The following TRPM3 variants were observed in gnomAD, a reference collection of about 807,000 sequenced individuals.
The protein encoded by TRPM3 is transient receptor potential cation channel subfamily M member 3.
A neutral mutation model predicts 181.2 loss-of-function variants in TRPM3; 77 were observed. That is an observed-to-expected ratio of 0.42 (90% CI 0.35 to 0.51). The LOEUF is 0.51. Ranked by LOEUF, TRPM3 falls within the 20% of genes least tolerant of loss-of-function variation. TRPM3 has a pLI of 0.01. For synonymous variants in TRPM3, 745 were observed against 796.4 expected (o/e 0.94, Z 1.09); for missense variants, 1,759 against 2,196.7 (o/e 0.80, Z 3.98).
In TRPM3 at chr9:70,841,661, T is replaced by TATATATATATATGA. The variant is rs1339698170; in HGVS notation, c.801+1341_801+1342insTCATATATATATAT. Among the ~76,000 whole-genome samples the TATATATATATATGA allele has an allele frequency of 1.6e-3, 136 of 86,064 alleles. 1 individual carries two copies. The highest frequency in any genetic ancestry group is 6.0e-3 in the African/African-American group (126 of 21,034). The allele number at this position is 86,064 out of a possible 152,430, so 56.5% of individuals were successfully genotyped here. On this transcript the variant is annotated intron_variant, in intron 5 of 25. Coordinates refer to ENST00000677713, the MANE Select transcript of TRPM3 (RefSeq NM_001366145.2). The stretch of plus-strand genomic sequence containing the variant: ...ATATATATATATATATATATATATA[T>TATATATATATATGA]CCCACCATATATATGTATATATAGA...
chr9:71,372,765 C>A lies in TRPM3; in HGVS notation c.183+73888G>T, dbSNP rs118031889. On this transcript the variant is annotated intron_variant, in intron 1 of 24. Transcript: ENST00000357533. ...GCTAAATACCCCAATTCAAAGACAC[C>A]AAATGGCAAGCTGGGTAAAGGGTCA... 2.5e-4 allele frequency among the ~76,000 whole-genome samples: 38 copies of A among 152,148 alleles called. No individual in the cohort carries two copies. The East Asian group carries it at 6.4e-3, about 26-fold the overall frequency.
intron 19 of TRPM3, among the ~76,000 whole-genome samples, chr9:70,608,050 A>T (rs771911119): frequency 6.6e-6 from 1 of 152,236 alleles, no homozygotes; most frequent in African/African-American, 2.4e-5. Flanking sequence ...GGTCAATCAA[A>T]TGTAGCCAAC....
At chr9:71,055,173 T>C (rs1005505813) in intron 1 of TRPM3, among the ~76,000 whole-genome samples, 2 of 152,014 alleles carry the variant, frequency 1.3e-5, no homozygotes, top group African/African-American at 4.8e-5. Context: ...CAAGAGGTGG[T>C]TCGGACAGGG....
intron 1 of TRPM3, among the ~76,000 whole-genome samples, chr9:71,255,075 C>G (rs1312821994): frequency 6.6e-6 from 1 of 152,136 alleles, no homozygotes; most frequent in East Asian, 1.9e-4. Flanking sequence ...GGGATTTTGC[C>G]TAAGTCCCCA....
At chr9:71,262,474 AGCAAGACAACTTG>A (rs948940806) in intron 1 of TRPM3, among the ~76,000 whole-genome samples, 95 of 152,320 alleles carry the variant, frequency 6.2e-4, no homozygotes, top group African/African-American at 2.2e-3. Flanking sequence ...GGATCTGCTT[AGCAAGACAACTTG>A]GCTCCCTGGC....
chr9:71,377,236 G>A (rs1167573128), intron 1 of TRPM3, among the ~76,000 whole-genome samples: 2 of 151,998 alleles, frequency 1.3e-5, no homozygotes, highest in East Asian at 3.9e-4. Context: ...TACTTCGATA[G>A]CAGATCATTA....
At chr9:70,592,794 G>A (rs2058340236) in intron 21 of TRPM3, among the ~76,000 whole-genome samples, 1 of 151,992 alleles carries the variant, frequency 6.6e-6, no homozygotes, top group Non-Finnish European at 1.5e-5. Flanking sequence ...GCAGTGGAGC[G>A]ATCTCGGCTC....
At chr9:70,541,652 A>G (rs1299818901) in intron 25 of TRPM3, among the ~76,000 whole-genome samples, 1 of 151,978 alleles carries the variant, frequency 6.6e-6, no homozygotes, top group Non-Finnish European at 1.5e-5. Context: ...GCTGGGATTA[A>G]AGGCATGCAT....
intron 1 of TRPM3, among the ~76,000 whole-genome samples, chr9:71,171,763 G>A (rs1308086205): frequency 1.3e-5 from 2 of 152,148 alleles, no homozygotes; most frequent in African/African-American, 4.8e-5. Flanking sequence ...AAAACCAGGA[G>A]GTGTCGTTCA....
intron 1 of TRPM3, among the ~76,000 whole-genome samples, chr9:71,247,690 G>A (rs1336091826): frequency 2.6e-5 from 4 of 152,236 alleles, no homozygotes; most frequent in East Asian, 1.9e-4. Flanking sequence ...AGTGATACTA[G>A]GTAATCAGCT....
chr9:71,446,843 T>C, upstream of TRPM3: 1 of 1,533,916 alleles, frequency 6.5e-7, no homozygotes, highest in Non-Finnish European at 8.8e-7. Flanking sequence ...CATGAGAAGT[T>C]CGCCTCCCTC....
intron 1 of TRPM3, among the ~76,000 whole-genome samples, chr9:71,218,857 T>C (rs1366903671): frequency 1.3e-5 from 2 of 152,220 alleles, no homozygotes; most frequent in Non-Finnish European, 2.9e-5. Flanking sequence ...GGTTTACCCA[T>C]CTTGTTGGGG....
chr9:71,162,924 G>A (rs1452552546), intron 1 of TRPM3, among the ~76,000 whole-genome samples: 2 of 152,154 alleles, frequency 1.3e-5, no homozygotes, highest in Non-Finnish European at 2.9e-5. Context: ...GGGAGGTGAT[G>A]GTTCACATGG....
At chr9:70,974,863 A>ATTTTTTTTTTTTTTTTTTTTTTTT (rs1177545043) in intron 1 of TRPM3, among the ~76,000 whole-genome samples, 1 of 117,980 alleles carries the variant, frequency 8.5e-6, no homozygotes, top group African/African-American at 3.2e-5. Context: ...TGGAACATCA[A>ATTTTTTTTTTTTTTTTTTTTTTTT]TTTTTTTTTT....
At chr9:71,271,487 C>T (rs1335416305) in intron 1 of TRPM3, among the ~76,000 whole-genome samples, 3 of 152,020 alleles carry the variant, frequency 2.0e-5, no homozygotes, top group African/African-American at 4.8e-5. Context: ...CATAGGAGGT[C>T]GGGTACTCAT....
chr9:71,001,131 C>T (rs2097595098), intron 1 of TRPM3, among the ~76,000 whole-genome samples: 1 of 152,144 alleles, frequency 6.6e-6, no homozygotes, highest in South Asian at 2.1e-4. Flanking sequence ...TAAGCTAATT[C>T]TGATTTTTAA....
chr9:70,968,811 G>T (rs1423189107), intron 1 of TRPM3, among the ~76,000 whole-genome samples: 1 of 152,056 alleles, frequency 6.6e-6, no homozygotes, highest in Non-Finnish European at 1.5e-5. Context: ...CTAGCCATAT[G>T]CAGAAAGCTG....
intron 1 of TRPM3, among the ~76,000 whole-genome samples, chr9:71,332,259 T>A (rs1393317024): frequency 6.6e-6 from 1 of 151,816 alleles, no homozygotes; most frequent in Admixed American, 6.6e-5. Flanking sequence ...AAACAAGCTT[T>A]TATTCCACTA....
chr9:71,267,011 CAT>C (rs2083438253), intron 1 of TRPM3, among the ~76,000 whole-genome samples: 1 of 151,558 alleles, frequency 6.6e-6, no homozygotes, highest in Non-Finnish European at 1.5e-5. Flanking sequence ...TTTGATTCCA[CAT>C]GACTCAAATT....
Sources: gnomAD v4.1 joint callset for allele counts (sites outside exome capture counted in the v4.1 genomes callset) on GRCh38, gnomAD v4.1.1 for gene constraint, MANE v1.5 for transcripts, NCBI Gene and HGNC (gene_info 2026-07-23, HGNC 2026-07-21) for gene names.